The following KCNMB2 variants were observed in gnomAD, a reference collection of about 807,000 sequenced individuals.
KCNMB2 encodes the protein potassium calcium-activated channel subfamily M regulatory beta subunit 2, also known as calcium-activated potassium channel subunit beta-2.
KCNMB2 carries 9 observed loss-of-function variants against 24.5 expected under a neutral mutation model. The ratio of observed to expected loss-of-function variants is 0.37; its 90% CI spans 0.22 to 0.64. The LOEUF (loss-of-function observed/expected upper bound fraction) is 0.64, where lower values mean the gene tolerates loss of function less well. KCNMB2 is among the 30% of genes least tolerant of loss of function. KCNMB2 has a pLI of 0.63. For synonymous variants in KCNMB2, 109 were observed against 104.4 expected, an observed-to-expected ratio of 1.04 and a Z score of -0.27; for missense variants, 226 against 284.3, an observed-to-expected ratio of 0.79 and a Z score of 1.47.
chr3:178,736,026 C>A (rs1441892340), intron 1 of KCNMB2, among the ~76,000 whole-genome samples: 1 of 152,102 alleles, frequency 6.6e-6, no homozygotes, highest in Admixed American at 6.5e-5. Context: ...TTTCACACAT[C>A]TTTTTTAATA....
intron 1 of KCNMB2, among the ~76,000 whole-genome samples, chr3:178,785,995 G>C (rs1027288554): frequency 6.6e-6 from 1 of 152,070 alleles, no homozygotes; most frequent in Admixed American, 6.6e-5. Flanking sequence ...GTGTAATACT[G>C]ATAGCAAAAG....
At chr3:178,685,782 A>C (rs2108324164) in intron 1 of KCNMB2, among the ~76,000 whole-genome samples, 1 of 152,344 alleles carries the variant, frequency 6.6e-6, no homozygotes, top group South Asian at 2.1e-4. Flanking sequence ...TGAAGGAATA[A>C]GCATTGATAG....
intron 1 of KCNMB2, among the ~76,000 whole-genome samples, chr3:178,769,116 A>G (rs905516079): frequency 3.9e-5 from 6 of 152,186 alleles, no homozygotes; most frequent in African/African-American, 1.4e-4. Context: ...AGTTTTCTAA[A>G]TGTGCCTTCT....
intron 1 of KCNMB2, among the ~76,000 whole-genome samples, chr3:178,658,813 C>G (rs1419453711): frequency 1.3e-5 from 2 of 152,174 alleles, no homozygotes; most frequent in Non-Finnish European, 2.9e-5. Context: ...AAGGACTGCT[C>G]AGATTATTAC....
intron 1 of KCNMB2, among the ~76,000 whole-genome samples, chr3:178,613,391 T>A (rs1718565750): frequency 1.3e-5 from 2 of 152,100 alleles, no homozygotes; most frequent in African/African-American, 4.8e-5. Context: ...TGTATTAATA[T>A]TCTGTGTTTT....
intron 1 of KCNMB2, among the ~76,000 whole-genome samples, chr3:178,692,580 C>T (rs182555643): frequency 3.4e-4 from 52 of 152,084 alleles, no homozygotes; most frequent in Admixed American, 2.6e-3. Flanking sequence ...TTCTGGGCTC[C>T]CTATTCTGCT....
At chr3:178,836,539 T>C (rs1307177685) in intron 4 of KCNMB2, among the ~76,000 whole-genome samples, 1 of 152,170 alleles carries the variant, frequency 6.6e-6, no homozygotes, top group African/African-American at 2.4e-5. Context: ...GGAAAAGCAG[T>C]AAGATTTTAT....
Position 178,702,589 on chromosome 3 carries a change from C to G in KCNMB2, c.-67-104754C>G, listed in dbSNP as rs1722140180. On this transcript the variant is annotated intron_variant, in intron 1 of 4. Transcript: ENST00000452583. ...ACAGGATTTTACTGTGACTGCCTATCAAAACTCACTTAATTAATGCCACTT... is the reference window on the plus strand; with the variant it reads ...ACAGGATTTTACTGTGACTGCCTATGAAAACTCACTTAATTAATGCCACTT... Among the ~76,000 whole-genome samples the G allele has an allele frequency of 2.0e-5, 3 of 152,100 alleles. No homozygotes were observed. In the South Asian group the frequency reaches 6.2e-4, roughly 32 times the overall value.
At chr3:178,760,380 T>TTA (rs1291418701) in intron 1 of KCNMB2, among the ~76,000 whole-genome samples, 4 of 126,808 alleles carry the variant, frequency 3.2e-5, no homozygotes, top group Admixed American at 8.4e-5. Flanking sequence ...GATATATATA[T>TTA]TATATATATA....
At chr3:178,781,677 G>A (rs925714078) in intron 1 of KCNMB2, among the ~76,000 whole-genome samples, 8 of 151,826 alleles carry the variant, frequency 5.3e-5, no homozygotes, top group African/African-American at 1.9e-4. Flanking sequence ...TGGGATCTGG[G>A]ATGAGGGGTG....
chr3:178,617,324 C>T (rs1334474654), intron 1 of KCNMB2, among the ~76,000 whole-genome samples: 2 of 151,446 alleles, frequency 1.3e-5, no homozygotes, highest in East Asian at 3.9e-4. Flanking sequence ...TTTGGGAGGC[C>T]GAGGCAGGCA....
At chr3:178,542,062 G>A (rs546526024) in intron 1 of KCNMB2, among the ~76,000 whole-genome samples, 77 of 152,302 alleles carry the variant, frequency 5.1e-4, no homozygotes, top group Middle Eastern at 3.4e-3. Context: ...GGGGCCACGT[G>A]TGTCAGGGAT....
At chr3:178,749,580 G>T (rs183024915) in intron 1 of KCNMB2, among the ~76,000 whole-genome samples, 1 of 152,138 alleles carries the variant, frequency 6.6e-6, no homozygotes, top group Admixed American at 6.6e-5. Context: ...TGCTCATTTC[G>T]TATCCAGCAC....
At chr3:178,546,087 G>T (rs1404792015) in intron 1 of KCNMB2, among the ~76,000 whole-genome samples, 1 of 152,126 alleles carries the variant, frequency 6.6e-6, no homozygotes, top group Non-Finnish European at 1.5e-5. Flanking sequence ...CAAAAGAAAA[G>T]TTGACAGAGA....
chr3:178,819,309 A>G (rs1159269339), intron 2 of KCNMB2, among the ~76,000 whole-genome samples: 1 of 152,154 alleles, frequency 6.6e-6, no homozygotes, highest in East Asian at 1.9e-4. Context: ...GATCACTGTA[A>G]CCCTACACAG....
chr3:178,639,030 GTTTGT>G (rs1719629736), intron 1 of KCNMB2, among the ~76,000 whole-genome samples: 1 of 151,362 alleles, frequency 6.6e-6, no homozygotes, highest in Non-Finnish European at 1.5e-5. Context: ...TTCTACTCTT[GTTTGT>G]TTTATCGGTT....
At chr3:178,641,798 A>G (rs1351095596) in intron 1 of KCNMB2, among the ~76,000 whole-genome samples, 1 of 152,088 alleles carries the variant, frequency 6.6e-6, no homozygotes, top group Non-Finnish European at 1.5e-5. Flanking sequence ...GGATTTCTGT[A>G]CATGTTCTTT....
intron 1 of KCNMB2, among the ~76,000 whole-genome samples, chr3:178,637,990 T>C (rs1471515896): frequency 6.6e-6 from 1 of 152,150 alleles, no homozygotes; most frequent in African/African-American, 2.4e-5. Flanking sequence ...CTAAACTCCT[T>C]TCTGTTCCTG....
intron 1 of KCNMB2, among the ~76,000 whole-genome samples, chr3:178,718,199 C>A (rs1204320310): frequency 6.6e-6 from 1 of 152,208 alleles, no homozygotes; most frequent in Admixed American, 6.5e-5. Context: ...TAACACTTAA[C>A]AAATTACAGG....
Sources: gnomAD v4.1 joint callset for allele counts (sites outside exome capture counted in the v4.1 genomes callset) on GRCh38, gnomAD v4.1.1 for gene constraint, MANE v1.5 for transcripts, NCBI Gene and HGNC (gene_info 2026-07-23, HGNC 2026-07-21) for gene names.